MTHFD2L: variants seen among roughly 807,000 people sequenced by gnomAD.
MTHFD2L encodes bifunctional methylenetetrahydrofolate dehydrogenase/cyclohydrolase 2, mitochondrial.
MTHFD2L carries 29 observed loss-of-function variants against 34.9 expected under a neutral mutation model. That is an observed-to-expected ratio of 0.83 (90% CI 0.62 to 1.13). The LOEUF is 1.13. MTHFD2L is among the 50% of genes most tolerant of loss of function. MTHFD2L has a pLI of 0.00. For synonymous variants in MTHFD2L, 167 were observed against 155.7 expected (o/e 1.07, Z -0.54); for missense variants, 481 against 446.5 (o/e 1.08, Z -0.70).
At chr4:74,201,226 G>A (rs369056921) in intron 4 of MTHFD2L, 37 bp from the exon 5 acceptor site, 790 of 1,498,648 alleles carry the variant, frequency 5.3e-4, no homozygotes, top group Non-Finnish European at 6.9e-4. Flanking sequence ...ACTTCTTGTT[G>A]TCAATTCTGC....
At chr4:74,246,232 T>G (rs1327817619) in intron 6 of MTHFD2L, among the ~76,000 whole-genome samples, 1 of 151,808 alleles carries the variant, frequency 6.6e-6, no homozygotes, top group East Asian at 1.9e-4. Context: ...TGGCCAGTGA[T>G]GATGAGCATT....
rs144243516 is a variant in MTHFD2L at position 74,179,734 on chromosome 4, C to G, written c.451+4331C>G. On this transcript the variant is annotated intron_variant, in intron 3 of 7. Transcript: ENST00000325278. ...AAATTGTAAAACAATGCATATGTAC[C>G]TTAAACATTGTGTTATGTAATAAAT... Among the ~76,000 whole-genome samples, 239 of 152,036 alleles carry G rather than the reference C, an allele frequency of 1.6e-3. 1 individual carries two copies. Among genetic ancestry groups the G allele is most frequent in the African/African-American group, 5.5e-3 (228 of 41,488 alleles).
chr4:74,206,247 G>T (rs928589625), intron 5 of MTHFD2L, among the ~76,000 whole-genome samples: 1 of 152,152 alleles, frequency 6.6e-6, no homozygotes, highest in Non-Finnish European at 1.5e-5. Flanking sequence ...GATAAAGAAG[G>T]CATGTAAGAA....
chr4:74,262,395 C>T (rs1399451674), intron 6 of MTHFD2L, among the ~76,000 whole-genome samples: 3 of 151,574 alleles, frequency 2.0e-5, no homozygotes, highest in Admixed American at 6.6e-5. Flanking sequence ...AACAGAAAAG[C>T]TGGAGGTATA....
At chr4:74,171,316 A>G (rs1727931027) in intron 1 of MTHFD2L, among the ~76,000 whole-genome samples, 1 of 152,170 alleles carries the variant, frequency 6.6e-6, no homozygotes, top group Non-Finnish European at 1.5e-5. Context: ...TGTCCACTAA[A>G]ATGTCAACAG....
intron 1 of MTHFD2L, among the ~76,000 whole-genome samples, chr4:74,164,726 G>A (rs1459118739): frequency 1.3e-5 from 2 of 152,228 alleles, no homozygotes; most frequent in Non-Finnish European, 2.9e-5. Flanking sequence ...GCTACTAATG[G>A]TAACCCAGAG....
At chr4:74,115,974 A>T (rs1721649788) in intron 2 of MTHFD2L, among the ~76,000 whole-genome samples, 1 of 152,218 alleles carries the variant, frequency 6.6e-6, no homozygotes, top group Non-Finnish European at 1.5e-5. Context: ...AAGTATTTGT[A>T]ATCAAAGACC....
chr4:74,130,174 C>A (rs199533917), intron 1 of MTHFD2L, among the ~76,000 whole-genome samples: 1 of 152,148 alleles, frequency 6.6e-6, no homozygotes, highest in Admixed American at 6.6e-5. Flanking sequence ...GGAGATGGTA[C>A]CATTCCTTCT....
intron 5 of MTHFD2L, among the ~76,000 whole-genome samples, chr4:74,207,972 G>C (rs1373590298): frequency 6.6e-6 from 1 of 151,922 alleles, no homozygotes; most frequent in East Asian, 1.9e-4. Flanking sequence ...GTCATGCAAA[G>C]TGATCACACC....
chr4:74,167,490 A>G (rs1726965279), intron 1 of MTHFD2L, among the ~76,000 whole-genome samples: 1 of 152,248 alleles, frequency 6.6e-6, no homozygotes, highest in African/African-American at 2.4e-5. Flanking sequence ...GTAGACAACT[A>G]GACAATATCA....
At chr4:74,240,160 TG>T (rs1741489315) in intron 6 of MTHFD2L, among the ~76,000 whole-genome samples, 1 of 152,236 alleles carries the variant, frequency 6.6e-6, no homozygotes, top group Non-Finnish European at 1.5e-5. Context: ...GTGGAAGCTC[TG>T]CAAAGGGTTT....
intron 3 of MTHFD2L, among the ~76,000 whole-genome samples, chr4:74,186,038 A>G (rs913599806): frequency 6.6e-6 from 1 of 152,146 alleles, no homozygotes; most frequent in Non-Finnish European, 1.5e-5. Context: ...ATCATGACCA[A>G]ATGTGTTTTC....
At chr4:74,294,388 A>G (rs891940626) in intron 7 of MTHFD2L, among the ~76,000 whole-genome samples, 3 of 152,132 alleles carry the variant, frequency 2.0e-5, no homozygotes, top group African/African-American at 4.8e-5. Context: ...GAATTGTTCA[A>G]TTCTTGGCCC....
chr4:74,282,242 A>T (rs1747593273), intron 7 of MTHFD2L, among the ~76,000 whole-genome samples: 1 of 152,100 alleles, frequency 6.6e-6, no homozygotes, highest in Admixed American at 6.6e-5. Flanking sequence ...ATTTACCTGC[A>T]TTCAGATTTT....
Position 74,133,372 on chromosome 4 carries a change from C to T in MTHFD2L, c.-297+7855C>T, listed in dbSNP as rs6850672. Among the ~76,000 whole-genome samples the T allele has an allele frequency of 1.8e-3, 267 of 152,210 alleles. 2 individuals carry two copies. Among genetic ancestry groups the T allele is most frequent in the African/African-American group, 6.1e-3 (253 of 41,552 alleles). ...TGTCTTTCATGAGTTTTGGAAAGTGCTCTGTTATTATTTCTTAGGATAAGC... is the reference window on the plus strand; with the variant it reads ...TGTCTTTCATGAGTTTTGGAAAGTGTTCTGTTATTATTTCTTAGGATAAGC... On this transcript the variant is annotated intron_variant, in intron 1 of 7. Transcript: ENST00000433372.
In MTHFD2L at chr4:74,224,629, T is replaced by A. The variant is rs542961353; in HGVS notation, c.713-673T>A. Among the ~76,000 whole-genome samples, 7 of 152,246 alleles carry A rather than the reference T, an allele frequency of 4.6e-5. No homozygotes were observed. The East Asian group carries it at 1.4e-3, about 29-fold the overall frequency. On this transcript the variant is annotated intron_variant, in intron 5 of 7. Transcript: ENST00000325278. ...TTTAAATATTGGAATCTCTTGCCTC[T>A]CTTGTTCTTTCAACCCTCCCTTAAG...
At chr4:74,143,344 A>G (rs1193734583) in intron 1 of MTHFD2L, 1 of 914,574 alleles carries the variant, frequency 1.1e-6, no homozygotes, top group Non-Finnish European at 1.3e-6. Flanking sequence ...GAAGGCAAAG[A>G]AATATACTCT....
In MTHFD2L at chr4:74,224,265, CT is replaced by C. The variant is rs1252631431; in HGVS notation, c.713-1033del. ...ATATTTTTTTGCACTTTGGGATAAACTTTTCACAGAAGTGTATTTTTGCAGT... is the reference window on the plus strand; with the variant it reads ...ATATTTTTTTGCACTTTGGGATAAACTTTCACAGAAGTGTATTTTTGCAGT... On this transcript the variant is annotated intron_variant, in intron 5 of 7. Transcript: ENST00000325278. 3.9e-5 allele frequency: 6 copies of C among 152,070 alleles called. No individual in the cohort carries two copies. The East Asian group carries it at 1.2e-3, about 29-fold the overall frequency. The allele number at this position is 152,070 out of a possible 1,614,324, so 9.4% of individuals were successfully genotyped here. A position where few individuals can be genotyped will look rare whatever the true frequency, so the allele number is the denominator to read the frequency against.
intron 6 of MTHFD2L, among the ~76,000 whole-genome samples, chr4:74,253,636 G>C (rs1172167586): frequency 6.6e-6 from 1 of 152,126 alleles, no homozygotes; most frequent in South Asian, 2.1e-4. Flanking sequence ...ACAAGCATCA[G>C]GCTTCAGGCC....
Sources: gnomAD v4.1 joint callset for allele counts (sites outside exome capture counted in the v4.1 genomes callset) on GRCh38, gnomAD v4.1.1 for gene constraint, MANE v1.5 for transcripts, NCBI Gene and HGNC (gene_info 2026-07-23, HGNC 2026-07-21) for gene names.